PASD1: variants seen among roughly 807,000 people sequenced by gnomAD.
PASD1 encodes circadian clock protein PASD1.
A neutral mutation model predicts 58.8 loss-of-function variants in PASD1; 13 were observed. The ratio of observed to expected loss-of-function variants is 0.22; its 90% CI spans 0.14 to 0.35. PASD1 has a LOEUF of 0.35. Among genes scored for constraint, PASD1 ranks in the 10% least tolerant of loss-of-function variants. The probability of loss-of-function intolerance (pLI) is 1.00; values close to 1 mark genes in which losing one functional copy is unlikely to be tolerated. For missense variants in PASD1, 734 were observed against 568.3 expected, an observed-to-expected ratio of 1.29 and a Z score of -2.96; for synonymous variants, 236 against 216.7, an observed-to-expected ratio of 1.09 and a Z score of -0.78.
At chrX:151,583,726 G>A (rs1339716747) in intron 1 of PASD1, among the ~76,000 whole-genome samples, 1 of 111,891 alleles carries the variant, frequency 8.9e-6, no homozygotes, top group Admixed American at 9.5e-5. Flanking sequence ...CAGAGACTGT[G>A]GCATCTTCAT....
chrX:151,610,366 C>T (rs759098372), intron 3 of PASD1, among the ~76,000 whole-genome samples: 9 of 111,244 alleles, frequency 8.1e-5, no homozygotes, highest in Non-Finnish European at 1.5e-4. Flanking sequence ...ATGACAATAT[C>T]ATCTATAGAC....
chrX:151,661,822 C>T (rs1177074280), intron 10 of PASD1, among the ~76,000 whole-genome samples: 1 of 110,865 alleles, frequency 9.0e-6, no homozygotes, highest in African/African-American at 3.3e-5. Flanking sequence ...GAATGTCCCT[C>T]AATTTGGGTT....
intron 6 of PASD1, among the ~76,000 whole-genome samples, chrX:151,622,412 A>G (rs1424732562): frequency 9.0e-6 from 1 of 111,044 alleles, no homozygotes; most frequent in East Asian, 2.8e-4. Context: ...ACCCATCAGA[A>G]TGGGAAAAAT....
At chrX:151,648,588 A>G (rs1408501365) in intron 8 of PASD1, 27 bp from the exon 9 acceptor site, 1 of 1,183,907 alleles carries the variant, frequency 8.4e-7, no homozygotes, top group Admixed American at 2.2e-5. Context: ...AGATATGCTT[A>G]CCATCTCTCT....
chrX:151,586,502 A>G (rs762398012), intron 1 of PASD1, among the ~76,000 whole-genome samples: 40 of 111,887 alleles, frequency 3.6e-4, no homozygotes, highest in African/African-American at 1.2e-3. Context: ...CATGTGGGAA[A>G]TGGGAGTAAC....
At chrX:151,593,158 C>G (rs2013271848) in intron 1 of PASD1, among the ~76,000 whole-genome samples, 1 of 110,409 alleles carries the variant, frequency 9.1e-6, no homozygotes, top group Admixed American at 9.6e-5. Flanking sequence ...TATAGTCACC[C>G]AAATCTTTTA....
At chrX:151,606,005 A>G (rs778689313) in intron 3 of PASD1, among the ~76,000 whole-genome samples, 2 of 112,425 alleles carry the variant, frequency 1.8e-5, no homozygotes, top group African/African-American at 6.5e-5. Context: ...CCAGATGCTT[A>G]TTTGAAATAT....
At chrX:151,572,164 G>T (rs1366269842) in intron 1 of PASD1, among the ~76,000 whole-genome samples, 2 of 111,037 alleles carry the variant, frequency 1.8e-5, no homozygotes, top group Non-Finnish European at 3.8e-5. Flanking sequence ...AATTTTTAGA[G>T]AATTATTTTG....
intron 15 of PASD1, among the ~76,000 whole-genome samples, chrX:151,674,750 A>C (rs1345443110): frequency 2.7e-5 from 3 of 112,195 alleles, no homozygotes; most frequent in Admixed American, 9.4e-5. Flanking sequence ...CAGGCCCCCC[A>C]CACACAATTT....
intron 7 of PASD1, among the ~76,000 whole-genome samples, chrX:151,624,592 C>A (rs947719473): frequency 4.9e-4 from 55 of 111,175 alleles, no homozygotes; most frequent in African/African-American, 1.6e-3. Context: ...AAGACAGTTT[C>A]TCCTATATGG....
chrX:151,631,373 G>A (rs1347461339), intron 8 of PASD1, among the ~76,000 whole-genome samples: 1 of 111,466 alleles, frequency 9.0e-6, no homozygotes, highest in East Asian at 2.8e-4. Flanking sequence ...GCTGTGGCCG[G>A]TATGTGATTC....
chrX:151,596,484 A>G (rs981564327), intron 1 of PASD1, among the ~76,000 whole-genome samples: 1 of 112,473 alleles, frequency 8.9e-6, no homozygotes, highest in Non-Finnish European at 1.9e-5. Context: ...ACCTTCCAGC[A>G]TTGCCTCTTT....
At chrX:151,645,773 T>C (rs967953213) in intron 8 of PASD1, 2 of 112,015 alleles carry the variant, frequency 1.8e-5, no homozygotes, top group African/African-American at 6.5e-5. Flanking sequence ...AACCCTCTGT[T>C]ACATGTTATA....
At position 151,589,075 on chromosome X, in the gene PASD1, G is replaced by A. The variant is rs1490218165; in HGVS notation, c.-27-12452G>A. Among the ~76,000 whole-genome samples the A allele has an allele frequency of 1.8e-4, 20 of 111,366 alleles. 1 individual carries two copies. ...CTTAGTGTCTCTTGTTCTCCTTGGT[G>A]CTCAGAAACACTCGGAGCAAGGACT... On this transcript the variant is annotated intron_variant, in intron 1 of 15. Transcript: ENST00000370357.
rs747045283 is a variant in PASD1 at position 151,671,157 on chromosome X, C to A, written c.1191C>A (p.Asn397Lys). 1.7e-6 allele frequency: 2 copies of A among 1,210,119 alleles called. No homozygotes were observed. The highest frequency in any genetic ancestry group is 3.5e-5 in the African/African-American group (2 of 57,318). Residue 397 changes from asparagine to lysine, a missense_variant, in exon 12 of 16, where the codon AAC becomes AAA. Coordinates refer to ENST00000370357, the MANE Select transcript of PASD1 (RefSeq NM_173493.3). ...GGTTGCTGCATGATGCCATCCAAAA[C>A]CAGCAGAATGCATTGGAATTGATGA... ...RTWLLHDAIQ[N>K]QQNALELMMD...
chrX:151,644,988 T>G (rs2014042279), intron 8 of PASD1, among the ~76,000 whole-genome samples: 1 of 110,388 alleles, frequency 9.1e-6, no homozygotes, highest in East Asian at 2.9e-4. Flanking sequence ...TCAGGAGAGG[T>G]GGGCTTTGGA....
intron 6 of PASD1, among the ~76,000 whole-genome samples, chrX:151,622,175 C>T (rs1478210124): frequency 9.0e-6 from 1 of 110,674 alleles, no homozygotes; most frequent in South Asian, 3.9e-4. Context: ...AAATTTTTGT[C>T]GCGTGTGGAT....
At chrX:151,641,014 G>A (rs2013989848) in intron 8 of PASD1, 1 of 111,407 alleles carries the variant, frequency 9.0e-6, no homozygotes, top group Non-Finnish European at 1.9e-5. Flanking sequence ...TGACATTAGG[G>A]CAACTCTTAC....
intron 8 of PASD1, among the ~76,000 whole-genome samples, chrX:151,629,234 C>T (rs191512784): frequency 9.0e-6 from 1 of 111,447 alleles, no homozygotes; most frequent in African/African-American, 3.3e-5. Flanking sequence ...ATTCTCCTGC[C>T]TCAGCCTCCT....
Sources: allele counts gnomAD v4.1 joint callset (sites outside exome capture counted in the v4.1 genomes callset), GRCh38; gene constraint gnomAD v4.1.1; transcripts MANE v1.5; gene names NCBI Gene and HGNC (gene_info 2026-07-23, HGNC 2026-07-21).